The following CYP26A1 variants were observed in gnomAD, a reference collection of about 807,000 sequenced individuals.
CYP26A1 encodes the protein cytochrome P450 26A1.
A neutral mutation model predicts 47.4 loss-of-function variants in CYP26A1; 46 were observed. The ratio of observed to expected loss-of-function variants is 0.97; its 90% CI spans 0.77 to 1.24. CYP26A1 has a LOEUF of 1.24. Among genes scored for constraint, CYP26A1 ranks in the 50% most tolerant of loss-of-function variants. CYP26A1 has a pLI of 0.00. For missense variants in CYP26A1, 680 were observed against 644.4 expected (o/e 1.06, Z -0.60); for synonymous variants, 277 against 263.7 (o/e 1.05, Z -0.49).
At chr10:93,073,892 C>G, upstream of CYP26A1, 1 of 711,830 alleles carries the variant, frequency 1.4e-6, no homozygotes, top group South Asian at 1.6e-5. Context: ...GGGTTTGAAG[C>G]GCTGGCGGCG....
chr10:93,073,536 G>A (rs750912984), upstream of CYP26A1: 8 of 213,444 alleles, frequency 3.7e-5, no homozygotes, highest in Admixed American at 5.6e-5. Flanking sequence ...GGTGGGACCG[G>A]GCGGGAGGGA....
Position 93,075,255 on chromosome 10 carries a change from T to TCGC in CYP26A1, c.812_813insCGC (p.Leu271_Gln272insAla). ...GCGGGCCAGGGCTGCAAAGACGCGC[T>TCGC]GCAGCTGTTGATCGAGCACTCGTGG... On this transcript the variant is annotated inframe_insertion, in exon 4 of 7. Transcript: ENST00000224356. 6 of 1,614,098 alleles carry TCGC rather than the reference T, an allele frequency of 3.7e-6. No homozygotes were observed. The highest frequency in any genetic ancestry group is 5.1e-6 in the Non-Finnish European group (6 of 1,180,008).
At chr10:93,073,705 C>T (rs1390618725), upstream of CYP26A1, 3 of 534,642 alleles carry the variant, frequency 5.6e-6, no homozygotes, top group Non-Finnish European at 9.8e-6. Context: ...GGGAAGCCGC[C>T]ACCGCGCCGC....
At chr10:93,075,725 C>T (rs936876542) in intron 4 of CYP26A1, 101 bp from the exon 5 acceptor site, 50 of 850,108 alleles carry the variant, frequency 5.9e-5, no homozygotes, top group Admixed American at 8.1e-5. Context: ...AACATTTAGC[C>T]CTTCTAGTCT....
Position 93,075,176 on chromosome 10 carries a change from G to A in CYP26A1, c.733G>A (p.Ala245Thr), listed in dbSNP as rs1242401953. ...RGMKARNLIH[A>T]RIEQNIRAKI... The stretch of plus-strand genomic sequence containing the variant: ...CATGAAGGCGCGGAACCTCATTCAC[G>A]CGCGCATCGAGCAGAACATTCGCGC... Residue 245 changes from alanine (A) to threonine (T), a missense_variant, in exon 4 of 7, where the codon GCG (alanine) becomes ACG (threonine). By Grantham distance (58) the Ala-to-Thr change is moderately conservative. Coordinates refer to ENST00000224356, the MANE Select transcript of CYP26A1 (RefSeq NM_000783.4). The A allele has an allele frequency of 1.2e-6, 2 of 1,613,692 alleles. No homozygotes were observed. Among genetic ancestry groups the A allele is most frequent in the Non-Finnish European group, 1.7e-6 (2 of 1,179,944 alleles).
In CYP26A1 at chr10:93,077,477, T is replaced by C. The variant is rs1846993009; in HGVS notation, c.*173T>C. ...ATAATGAATTTGTATCATTTCCAAA[T>C]AAAGTAAAATTTGAAGGTACTTTTC... On this transcript the variant is annotated 3_prime_UTR_variant, in exon 7 of 7. Transcript: ENST00000224356. The C allele has an allele frequency of 5.2e-6, 2 of 386,962 alleles. No homozygotes were observed. The highest frequency in any genetic ancestry group is 4.5e-6 in the Non-Finnish European group (1 of 222,736). 24.0% of individuals were successfully genotyped at this position (386,962 alleles called of 1,614,324 possible).
chr10:93,073,752 G>C, upstream of CYP26A1: 2 of 568,652 alleles, frequency 3.5e-6, no homozygotes, highest in South Asian at 4.2e-5. Flanking sequence ...TAAAGATTTT[G>C]GGCAGCGCCT....
rs767604114 is a variant in CYP26A1 at position 93,076,651 on chromosome 10, A to T, written c.1107A>T (p.Pro369=). The T allele has an allele frequency of 9.9e-6, 16 of 1,611,152 alleles. No individual in the cohort carries two copies. Among genetic ancestry groups the T allele is most frequent in the Non-Finnish European group, 8.5e-7 (1 of 1,177,534 alleles). Residue 369 remains proline (P), a synonymous_variant, in exon 6 of 7, where the codon CCA becomes CCT. Transcript: ENST00000224356. ...AGGAGACCCTTCGACTGAATCCCCC[A>T]GTTCCAGGAGGGTTTCGGGTTGCTC... The part of the protein sequence containing the change: ...VIKETLRLNP[P]VPGGFRVALK...
Position 93,075,954 on chromosome 10 carries a change from G to A in CYP26A1, c.993G>A (p.Lys331=). ...TCCAGAAAGTGCGAGAAGAGCTGAA[G>A]AGTAAGGTAGGGAGACTGGGTCTGG... ...HVLQKVREEL[K]SKGLLCKSNQ... The change falls in exon 5 of 7, where the codon AAG becomes AAA. Residue 331 remains lysine (K), a synonymous_variant. Transcript: ENST00000224356. 3 of 1,613,252 alleles carry A rather than the reference G, an allele frequency of 1.9e-6. No homozygotes were observed. Among genetic ancestry groups the A allele is most frequent in the Non-Finnish European group, 2.5e-6 (3 of 1,179,174 alleles).
chr10:93,076,017 T>C (rs774968238), intron 5 of CYP26A1, 57 bp downstream of exon 5: 3 of 1,407,224 alleles, frequency 2.1e-6, no homozygotes, highest in African/African-American at 1.4e-5. Context: ...AGCTGCTCCC[T>C]AGCCAACTTC....
chr10:93,073,768 G>A (rs553961784), upstream of CYP26A1: 3 of 568,122 alleles, frequency 5.3e-6, no homozygotes, highest in East Asian at 3.1e-5. Context: ...CGCCTCGCGG[G>A]GGGAGGAGCC....
Position 93,075,287 on chromosome 10 carries a change from G to A in CYP26A1, c.844G>A (p.Gly282Arg), listed in dbSNP as rs1437694893. Residue 282 changes from glycine (G) to arginine (R), a missense_variant, in exon 4 of 7, where the codon GGA becomes AGA. Physicochemically the swap from Gly to Arg is moderately radical, Grantham distance 125. Transcript: ENST00000224356. ...GTTGATCGAGCACTCGTGGGAGAGG[G>A]GAGAGCGGCTGGACATGCAGGTGAG... ...QLLIEHSWER[G>R]ERLDMQALKQ... is the part of the protein sequence containing the mutation. 2 of 1,613,910 alleles carry A rather than the reference G, an allele frequency of 1.2e-6. No individual in the cohort carries two copies. Among genetic ancestry groups the A allele is most frequent in the Non-Finnish European group, 1.7e-6 (2 of 1,179,928 alleles).
Position 93,077,046 on chromosome 10 carries a change from A to G in CYP26A1, c.1236A>G (p.Glu412=), listed in dbSNP as rs202120226. Residue 412 remains glutamate, a synonymous_variant, in exon 7 of 7, where the codon GAA becomes GAG. Coordinates refer to ENST00000224356, the MANE Select transcript of CYP26A1 (RefSeq NM_000783.4). ...HDVAEIFTNK[E]EFNPDRFMLP... ...TGGCAGAGATCTTCACCAACAAGGA[A>G]GAATTTAATCCTGACCGATTCATGC... 6.2e-6 allele frequency: 10 copies of G among 1,613,872 alleles called. No individual in the cohort carries two copies. The Admixed American group carries it at 1.7e-4, about 27-fold the overall frequency.
chr10:93,075,307 GGT>G lies in CYP26A1; in HGVS notation c.864+2_864+3del. The G allele has an allele frequency of 6.2e-7, 1 of 1,613,346 alleles. No homozygotes were observed. The highest frequency in any genetic ancestry group is 8.5e-7 in the Non-Finnish European group (1 of 1,179,486). ...AGAGGGGAGAGCGGCTGGACATGCA[GGT>G]GAGTAGCAGCTTCAGACCAGGCACT... is the stretch of plus-strand genomic sequence containing the variant. On this transcript the variant is annotated splice_donor_variant, in intron 4 of 6. Coordinates refer to ENST00000224356, the MANE Select transcript of CYP26A1 (RefSeq NM_000783.4). LOFTEE classifies it high-confidence loss of function.
At chr10:93,075,402 A>T in intron 4 of CYP26A1, 95 bp downstream of exon 4, 1 of 1,171,512 alleles carries the variant, frequency 8.5e-7, no homozygotes, top group Non-Finnish European at 1.2e-6. Context: ...CCTGGGGCCC[A>T]GCTTTCTGGA....
In CYP26A1 at chr10:93,074,687, G is replaced by A. The variant is rs1846945852; in HGVS notation, c.415-92G>A. 8.3e-7 allele frequency: 1 copy of A among 1,206,564 alleles called. No individual in the cohort carries two copies. Among genetic ancestry groups the A allele is most frequent in the Admixed American group, 1.9e-5 (1 of 53,820 alleles). 74.7% of individuals were successfully genotyped at this position (1,206,564 alleles called of 1,614,324 possible). ...TTTCCCAGCTCGGAGAGTGCCATGT[G>A]TCTGGCAGGACTGGGGGTGTCTGGA... On this transcript the variant is annotated intron_variant, in intron 2 of 6. Transcript: ENST00000224356. The surrounding 1 kb of genome is among the most constrained non-coding windows in gnomAD (Gnocchi z 5.3).
rs984252420 is a variant in CYP26A1, at chr10:93,077,062, C to A, written c.1252C>A (p.Arg418=). The change falls in exon 7 of 7, where the codon CGA becomes AGA. Residue 418 remains arginine, a synonymous_variant. Coordinates refer to ENST00000224356, the MANE Select transcript of CYP26A1 (RefSeq NM_000783.4). ...FTNKEEFNPD[R]FMLPHPEDAS... The stretch of plus-strand genomic sequence containing the variant: ...CAACAAGGAAGAATTTAATCCTGAC[C>A]GATTCATGCTGCCTCACCCAGAGGA... 8 of 1,613,276 alleles carry A rather than the reference C, an allele frequency of 5.0e-6. No individual in the cohort carries two copies. In the African/African-American group the frequency reaches 8.0e-5, roughly 16 times the overall value.
intron 4 of CYP26A1, chr10:93,075,521 C>CTT: frequency 1.7e-6 from 1 of 604,556 alleles, no homozygotes; most frequent in South Asian, 2.1e-5. Flanking sequence ...ATCCCCTAGC[C>CTT]TTTCCAGGTT....
At position 93,074,135 on chromosome 10, in the gene CYP26A1, TGG is replaced by T; in HGVS notation, c.189+15_189+16del. 3.4e-6 allele frequency: 1 copy of T among 293,032 alleles called. No individual in the cohort carries two copies. The highest frequency in any genetic ancestry group is 6.7e-6 in the Non-Finnish European group (1 of 149,124). 18.2% of individuals were successfully genotyped at this position (293,032 alleles called of 1,614,324 possible). A position where few individuals can be genotyped will look rare whatever the true frequency, so the allele number is the denominator to read the frequency against. On this transcript the variant is annotated intron_variant, in intron 1 of 6. Transcript: ENST00000224356. This position sits in a 1 kb window ranked among gnomAD's most constrained non-coding sequence, Gnocchi z 5.3. ...AGATGGTACTGCAGGTAAGGGAGGG[TGG>T]GGCGGGACAGGCTGCTTCCCCGGAG... is the stretch of plus-strand genomic sequence containing the variant.
Sources: allele counts gnomAD v4.1 joint callset, GRCh38; gene constraint gnomAD v4.1.1; non-coding constraint Gnocchi (gnomAD v3.1); transcripts MANE v1.5; gene names NCBI Gene and HGNC (gene_info 2026-07-23, HGNC 2026-07-21).